CFAP69: variants seen among roughly 807,000 people sequenced by gnomAD.
CFAP69 encodes cilia and flagella associated protein 69, also known as cilia- and flagella-associated protein 69.
A neutral mutation model predicts 123.0 loss-of-function variants in CFAP69; 92 were observed. That is an observed-to-expected ratio of 0.75 (90% confidence interval 0.63 to 0.89). The LOEUF (loss-of-function observed/expected upper bound fraction) is 0.89. Ranked by LOEUF, CFAP69 falls within the 40% of genes least tolerant of loss-of-function variation. The pLI is 0.00. For missense variants in CFAP69, 1,067 were observed against 1,096.9 expected, an observed-to-expected ratio of 0.97 and a Z score of 0.39; for synonymous variants, 380 against 364.3, an observed-to-expected ratio of 1.04 and a Z score of -0.49.
At chr7:90,307,427 T>C (rs569993545) in intron 20 of CFAP69, among the ~76,000 whole-genome samples, 9 of 152,288 alleles carry the variant, frequency 5.9e-5, no homozygotes, top group Non-Finnish European at 1.2e-4. Context: ...AGGCACAAGA[T>C]AATAATTTCA....
Position 90,299,984 on chromosome 7 carries a change from A to C in CFAP69, c.1975A>C (p.Ser659Arg). The change falls in exon 17 of 23, where the codon AGT becomes CGT. Residue 659 changes from serine (S) to arginine (R), a missense_variant. Physicochemically the swap from Ser to Arg is moderately radical, Grantham distance 110 (BLOSUM62 -1). Transcript: ENST00000389297. ...AGGGAAGAAGGATCAGACAGCTGCTAGTCTTTTAATTAAATTGTGGAGAAA... is the reference window on the plus strand; with the variant it reads ...AGGGAAGAAGGATCAGACAGCTGCTCGTCTTTTAATTAAATTGTGGAGAAA... ...WQGKKDQTAA[S>R]LLIKLWRKEE... 6.2e-7 allele frequency: 1 copy of C among 1,611,514 alleles called. No homozygotes were observed. The highest frequency in any genetic ancestry group is 8.5e-7 in the Non-Finnish European group (1 of 1,178,922).
Position 90,304,599 on chromosome 7 carries a change from A to T in CFAP69, c.2189-145A>T, listed in dbSNP as rs1584542141. 2.1e-5 allele frequency: 30 copies of T among 1,424,718 alleles called. No homozygotes were observed. The East Asian group carries it at 7.7e-4, about 36-fold the overall frequency. 88.3% of individuals were successfully genotyped at this position (1,424,718 alleles called of 1,614,324 possible). On this transcript the variant is annotated intron_variant, in intron 18 of 22. Transcript: ENST00000389297. ...ACTCACAGAATTAACTTTTTCATAA[A>T]TCAAGATGAAATCAAAAGTAACTTT...
chr7:90,263,931 A>G (rs1798683318), intron 4 of CFAP69, among the ~76,000 whole-genome samples: 1 of 151,354 alleles, frequency 6.6e-6, no homozygotes, highest in South Asian at 2.1e-4. Context: ...TCTATTAAAA[A>G]TGCAAAAAAA....
intron 13 of CFAP69, among the ~76,000 whole-genome samples, chr7:90,285,223 C>T (rs1790090927): frequency 1.3e-5 from 2 of 152,104 alleles, no homozygotes; most frequent in Admixed American, 6.5e-5. Context: ...ACTGGGCCTC[C>T]AGCAGGCTCA....
intron 17 of CFAP69, chr7:90,303,688 A>G: frequency 1.0e-6 from 1 of 995,154 alleles, no homozygotes. Flanking sequence ...AAAATTTTTT[A>G]AATTATTTAC....
Position 90,245,181 on chromosome 7 carries a change from C to T in CFAP69, c.-244C>T, listed in dbSNP as rs920692224. ...CCTCTGGCCCCGCCCCCTAGCAACG[C>T]GCTGGCTTGTGTTAACAACCGGCCC... On this transcript the variant is annotated 5_prime_UTR_variant, in exon 1 of 23. Coordinates refer to ENST00000389297, the MANE Select transcript of CFAP69 (RefSeq NM_001039706.3). 14 of 400,448 alleles carry T rather than the reference C, an allele frequency of 3.5e-5. No individual in the cohort carries two copies. The highest frequency in any genetic ancestry group is 1.9e-4 in the Admixed American group (4 of 21,242). 24.8% of individuals were successfully genotyped at this position (400,448 alleles called of 1,614,324 possible).
chr7:90,246,806 G>A (rs1359053423), intron 1 of CFAP69, among the ~76,000 whole-genome samples: 2 of 150,306 alleles, frequency 1.3e-5, no homozygotes, highest in Non-Finnish European at 2.9e-5. Flanking sequence ...TACAAGGCAA[G>A]CAAGCGTGGA....
intron 4 of CFAP69, among the ~76,000 whole-genome samples, chr7:90,262,762 C>T (rs201557339): frequency 6.6e-6 from 1 of 151,642 alleles, no homozygotes; most frequent in Non-Finnish European, 1.5e-5. Flanking sequence ...TTTTAGATAG[C>T]AATTATTTAT....
Position 90,304,840 on chromosome 7 carries a change from C to T in CFAP69, c.2265+20C>T. The T allele has an allele frequency of 7.4e-7, 1 of 1,346,010 alleles. No homozygotes were observed. Among genetic ancestry groups the T allele is most frequent in the Non-Finnish European group, 1.0e-6 (1 of 957,994 alleles). The allele number at this position is 1,346,010 out of a possible 1,614,324, so 83.4% of individuals were successfully genotyped here. A position where few individuals can be genotyped will look rare whatever the true frequency, so the allele number is the denominator to read the frequency against. ...TTTAAAGTAAGTATCTTTTTAATAA[C>T]CTGATTATTAAAATCTAGATAGCAA... On this transcript the variant is annotated intron_variant, in intron 19 of 22. Coordinates refer to ENST00000389297, the MANE Select transcript of CFAP69 (RefSeq NM_001039706.3).
chr7:90,304,328 A>C, intron 18 of CFAP69: 2 of 1,281,028 alleles, frequency 1.6e-6, no homozygotes, highest in Admixed American at 3.8e-5. Flanking sequence ...CTCCCCAGGC[A>C]ATTCCAATGT....
chr7:90,281,321 A>G (rs866674288), intron 12 of CFAP69, among the ~76,000 whole-genome samples: 1 of 151,892 alleles, frequency 6.6e-6, no homozygotes, highest in Admixed American at 6.6e-5. Context: ...TTTTTTAGCT[A>G]GAAACATAAA....
intron 11 of CFAP69, among the ~76,000 whole-genome samples, chr7:90,279,200 G>A (rs1269847872): frequency 2.0e-5 from 3 of 152,034 alleles, no homozygotes; most frequent in Non-Finnish European, 2.9e-5. Flanking sequence ...AATATTCACT[G>A]TAGTCATTAC....
intron 3 of CFAP69, among the ~76,000 whole-genome samples, chr7:90,261,515 GAGTAA>G (rs1181815052): frequency 2.0e-5 from 3 of 152,154 alleles, no homozygotes; most frequent in African/African-American, 7.2e-5. Context: ...TAAAATAGTG[GAGTAA>G]AGTAATGTTT....
At chr7:90,298,035 AT>A (rs1421553864) in intron 16 of CFAP69, among the ~76,000 whole-genome samples, 2 of 152,180 alleles carry the variant, frequency 1.3e-5, no homozygotes, top group Non-Finnish European at 2.9e-5. Flanking sequence ...TTGGAAAGTC[AT>A]TTTACCAGTG....
At chr7:90,245,753 C>T (rs1796250535) in intron 1 of CFAP69, among the ~76,000 whole-genome samples, 1 of 152,174 alleles carries the variant, frequency 6.6e-6, no homozygotes, top group Non-Finnish European at 1.5e-5. Context: ...TGTTGTCAAC[C>T]ATCCTGTCTG....
intron 2 of CFAP69, among the ~76,000 whole-genome samples, chr7:90,256,195 G>T (rs1468792312): frequency 2.0e-5 from 3 of 151,974 alleles, no homozygotes; most frequent in African/African-American, 7.2e-5. Context: ...ATACTATGCA[G>T]CCATAAAAAA....
chr7:90,255,390 G>T, intron 1 of CFAP69, 33 bp from the exon 2 acceptor site: 6 of 1,551,344 alleles, frequency 3.9e-6, no homozygotes, highest in Non-Finnish European at 5.3e-6. Context: ...TATAGAAGAT[G>T]ATCTAGAATA....
chr7:90,312,146 C>T (rs1794392687), downstream of CFAP69, among the ~76,000 whole-genome samples: 1 of 152,178 alleles, frequency 6.6e-6, no homozygotes, highest in Non-Finnish European at 1.5e-5. Context: ...GTGATGGTGG[C>T]CTCAGCTACT....
At chr7:90,307,881 C>G (rs781293074) in intron 21 of CFAP69, 27 bp downstream of exon 21, 1 of 1,443,542 alleles carries the variant, frequency 6.9e-7, no homozygotes, top group Non-Finnish European at 9.6e-7. Context: ...ATTATAGTAT[C>G]CACAACAAAT....
Sources: allele counts gnomAD v4.1 joint callset (sites outside exome capture counted in the v4.1 genomes callset), GRCh38; gene constraint gnomAD v4.1.1; transcripts MANE v1.5; gene names NCBI Gene and HGNC (gene_info 2026-07-23, HGNC 2026-07-21).